CRB1: variants seen among roughly 807,000 people sequenced by gnomAD.
CRB1 encodes the protein crumbs cell polarity complex component 1, also known as protein crumbs homolog 1.
In CRB1, 83 loss-of-function variants were observed where a neutral mutation model predicts 120.0. The ratio of observed to expected loss-of-function variants is 0.69; its 90% CI spans 0.58 to 0.83. The LOEUF (loss-of-function observed/expected upper bound fraction) is 0.83, where lower values mean the gene tolerates loss of function less well. Ranked by LOEUF, CRB1 falls within the 40% of genes least tolerant of loss-of-function variation. The probability of loss-of-function intolerance (pLI) is 0.00; values close to 1 mark genes in which losing one functional copy is unlikely to be tolerated. For missense variants in CRB1, 1,699 were observed against 1,687.6 expected (o/e 1.01, Z -0.12); for synonymous variants, 625 against 612.5 (o/e 1.02, Z -0.30).
intron 5 of CRB1, among the ~76,000 whole-genome samples, chr1:197,394,475 C>A (rs1662672879): frequency 6.6e-6 from 1 of 151,900 alleles, no homozygotes; most frequent in Non-Finnish European, 1.5e-5. Context: ...TCCCAGCCCC[C>A]ATGATGTTCA....
At chr1:197,308,406 C>T (rs1657302752) in intron 1 of CRB1, among the ~76,000 whole-genome samples, 1 of 152,094 alleles carries the variant, frequency 6.6e-6, no homozygotes, top group South Asian at 2.1e-4. Flanking sequence ...ACATGTACTC[C>T]CTGTATCTAA....
chr1:197,379,596 G>A (rs188332128), intron 5 of CRB1, among the ~76,000 whole-genome samples: 3,343 of 131,522 alleles, frequency 0.025, 156 homozygotes, highest in African/African-American at 0.1. Flanking sequence ...CACCAAGCCC[G>A]GCCCCGGCCA....
At position 197,279,900 on chromosome 1, in the gene CRB1, A is replaced by G. The variant is rs553286935; in HGVS notation, c.70+11418A>G. ...TTTCCTTGCCTACCAGATACAACCA[A>G]CCTCTGTTACCCAATTTCTCTATGT... On this transcript the variant is annotated intron_variant, in intron 1 of 11. Transcript: ENST00000367400. Among the ~76,000 whole-genome samples, 12 of 151,026 alleles carry G rather than the reference A, an allele frequency of 7.9e-5. No individual in the cohort carries two copies. In the South Asian group the frequency reaches 2.5e-3, roughly 32 times the overall value.
intron 2 of CRB1, among the ~76,000 whole-genome samples, chr1:197,332,111 G>A (rs1180081833): frequency 2.0e-5 from 3 of 152,078 alleles, no homozygotes; most frequent in African/African-American, 7.2e-5. Flanking sequence ...TTGCACTCCA[G>A]CCTGAGCGAC....
chr1:197,387,240 T>C (rs1342948396), intron 5 of CRB1, among the ~76,000 whole-genome samples: 3 of 152,094 alleles, frequency 2.0e-5, no homozygotes, highest in African/African-American at 7.2e-5. Flanking sequence ...AATATAATCT[T>C]TAAAGCACAA....
At chr1:197,298,769 C>T (rs1376422568) in intron 1 of CRB1, among the ~76,000 whole-genome samples, 3 of 152,036 alleles carry the variant, frequency 2.0e-5, no homozygotes, top group South Asian at 2.1e-4. Flanking sequence ...GTATTGCCAT[C>T]ATTGGGAACA....
intron 11 of CRB1, among the ~76,000 whole-genome samples, chr1:197,452,201 T>A (rs1666007332): frequency 6.6e-6 from 1 of 152,160 alleles, no homozygotes; most frequent in Non-Finnish European, 1.5e-5. Context: ...CTTCCTGCTG[T>A]TCTAAGACGA....
intron 1 of CRB1, among the ~76,000 whole-genome samples, chr1:197,308,868 A>G (rs949255530): frequency 1.1e-4 from 16 of 151,302 alleles, no homozygotes; most frequent in African/African-American, 3.6e-4. Context: ...ATGTGTGTGT[A>G]TATATAGGAT....
At chr1:197,240,763 G>A in the CRB1 span, among the ~76,000 whole-genome samples, 2 of 152,056 alleles carry the variant, frequency 1.3e-5, no homozygotes, top group African/African-American at 4.8e-5. Context: ...TGGTATTTCT[G>A]GTTCTTGATC....
chr1:197,474,521 C>T (rs1020064220), intron 11 of CRB1, among the ~76,000 whole-genome samples: 1 of 152,166 alleles, frequency 6.6e-6, no homozygotes, highest in African/African-American at 2.4e-5. Flanking sequence ...CAGGTCAGCC[C>T]TCTGGTTCAA....
intron 5 of CRB1, chr1:197,363,972 A>G: frequency 7.4e-7 from 1 of 1,358,708 alleles, no homozygotes; most frequent in Non-Finnish European, 1.1e-6. Flanking sequence ...GCGGCCGGCG[A>G]CAGAGGGAAA....
chr1:197,451,946 G>A (rs1665995307), intron 11 of CRB1, among the ~76,000 whole-genome samples: 1 of 152,130 alleles, frequency 6.6e-6, no homozygotes, highest in Non-Finnish European at 1.5e-5. Context: ...CATTTTGACT[G>A]ATAAAAATGA....
At chr1:197,302,682 C>A (rs1232543190) in intron 1 of CRB1, among the ~76,000 whole-genome samples, 4 of 151,848 alleles carry the variant, frequency 2.6e-5, no homozygotes, top group Non-Finnish European at 1.5e-5. Flanking sequence ...ATAAAGTTGG[C>A]CAAAGAATAA....
At chr1:197,357,383 A>G (rs1007449538) in intron 5 of CRB1, 1 of 305,370 alleles carries the variant, frequency 3.3e-6, no homozygotes, top group East Asian at 8.1e-5. Flanking sequence ...AAGTTATTGT[A>G]CTTATATTTA....
chr1:197,433,150 C>T (rs1487244955), intron 8 of CRB1, among the ~76,000 whole-genome samples: 1 of 151,820 alleles, frequency 6.6e-6, no homozygotes, highest in Non-Finnish European at 1.5e-5. Flanking sequence ...CCCTCCTCAG[C>T]CTCCCAGATA....
At chr1:197,298,798 T>A (rs1300751304) in intron 1 of CRB1, among the ~76,000 whole-genome samples, 3 of 152,066 alleles carry the variant, frequency 2.0e-5, no homozygotes, top group African/African-American at 7.2e-5. Context: ...GGCATTAAAA[T>A]TTTTTTGCCC....
In CRB1 at chr1:197,429,362, T is replaced by A. The variant is rs1325304382; in HGVS notation, c.2677-87T>A. The A allele has an allele frequency of 1.3e-5, 20 of 1,512,732 alleles. 1 individual carries two copies. In the African/African-American group the frequency reaches 2.1e-4, roughly 16 times the overall value. The allele number at this position is 1,512,732 out of a possible 1,614,324, so 93.7% of individuals were successfully genotyped here. On this transcript the variant is annotated intron_variant, in intron 7 of 11. Transcript: ENST00000367400. ...TAAAGATGCAGGGAAATTAGCATTTTAAAAAAACAGATATGTGGTTTCACC... is the reference window on the plus strand; with the variant it reads ...TAAAGATGCAGGGAAATTAGCATTTAAAAAAAACAGATATGTGGTTTCACC...
At chr1:197,453,883 AT>A (rs1666129975) in intron 11 of CRB1, among the ~76,000 whole-genome samples, 1 of 140,372 alleles carries the variant, frequency 7.1e-6, no homozygotes, top group African/African-American at 2.6e-5. Context: ...AATAATATAT[AT>A]TATTAATATT....
chr1:197,449,374 T>A (rs1184552915), intron 11 of CRB1, among the ~76,000 whole-genome samples: 2 of 152,062 alleles, frequency 1.3e-5, no homozygotes, highest in African/African-American at 4.8e-5. Flanking sequence ...TTTATTTTAT[T>A]TTATATTTTT....
Sources: allele counts gnomAD v4.1 joint callset (sites outside exome capture counted in the v4.1 genomes callset), GRCh38; gene constraint gnomAD v4.1.1; transcripts MANE v1.5; gene names NCBI Gene and HGNC (gene_info 2026-07-23, HGNC 2026-07-21).